The following PATJ variants were observed in gnomAD, a reference collection of about 807,000 sequenced individuals.
The protein encoded by PATJ is inaD-like protein.
In PATJ, 190 loss-of-function variants were observed where a neutral mutation model predicts 224.9. The ratio of observed to expected loss-of-function variants is 0.84; its 90% CI spans 0.75 to 0.95. The LOEUF is 0.95. PATJ is among the 40% of genes least tolerant of loss of function. PATJ has a pLI of 0.00. For missense variants in PATJ, 2,121 were observed against 2,270.3 expected (o/e 0.93, Z 1.34); for synonymous variants, 769 against 820.3 (o/e 0.94, Z 1.07).
At chr1:62,038,074 T>C (rs751718609) in intron 30 of PATJ, 25 bp downstream of exon 30, 17 of 1,394,528 alleles carry the variant, frequency 1.2e-5, no homozygotes, top group African/African-American at 2.8e-5. Context: ...AATTAGCTCT[T>C]AGTATATTAG....
chr1:62,064,909 G>A (rs374951208), intron 31 of PATJ, among the ~76,000 whole-genome samples: 239 of 152,306 alleles, frequency 1.6e-3, no homozygotes, highest in African/African-American at 5.6e-3. Flanking sequence ...AAATACATCT[G>A]TAGCAGGAGT....
chr1:61,857,830 A>G (rs938111287), intron 18 of PATJ, among the ~76,000 whole-genome samples: 1 of 152,206 alleles, frequency 6.6e-6, no homozygotes, highest in African/African-American at 2.4e-5. Flanking sequence ...TAATTTGATC[A>G]ATAGGTATAC....
chr1:61,749,586 T>G (rs12075300), intron 1 of PATJ, among the ~76,000 whole-genome samples: 2,355 of 152,222 alleles, frequency 0.015, 53 homozygotes, highest in African/African-American at 0.054. Context: ...GTGAAGAAAG[T>G]ATGTATTCCT....
chr1:62,078,520 A>G (rs1658712103), intron 31 of PATJ, among the ~76,000 whole-genome samples: 1 of 152,050 alleles, frequency 6.6e-6, no homozygotes, highest in African/African-American at 2.4e-5. Context: ...TCCTGATGTC[A>G]GGTGATCTGC....
intron 29 of PATJ, among the ~76,000 whole-genome samples, chr1:62,019,339 C>G (rs1646948814): frequency 1.3e-5 from 2 of 151,410 alleles, no homozygotes; most frequent in South Asian, 4.2e-4. Flanking sequence ...CTGGCCAAGC[C>G]AACATGGTGA....
At chr1:61,823,737 G>A (rs1657707641) in intron 15 of PATJ, among the ~76,000 whole-genome samples, 1 of 152,114 alleles carries the variant, frequency 6.6e-6, no homozygotes, top group Non-Finnish European at 1.5e-5. Context: ...TGATTTTAGA[G>A]ATTTTTTTTT....
At chr1:62,154,998 A>C (rs555916472) in intron 43 of PATJ, among the ~76,000 whole-genome samples, 22 of 152,320 alleles carry the variant, frequency 1.4e-4, no homozygotes, top group Admixed American at 1.2e-3. Flanking sequence ...TGGGTAGCAG[A>C]ATGCTTATCC....
At chr1:61,901,865 ACT>A (rs762499936) in intron 24 of PATJ, among the ~76,000 whole-genome samples, 1 of 151,862 alleles carries the variant, frequency 6.6e-6, no homozygotes, top group Non-Finnish European at 1.5e-5. Context: ...AAGGTTGAAG[ACT>A]CTATTGGGTG....
chr1:62,144,773 A>ATATATAT (rs1017771263), intron 41 of PATJ, among the ~76,000 whole-genome samples: 2 of 86,908 alleles, frequency 2.3e-5, no homozygotes, highest in Non-Finnish European at 4.8e-5. Context: ...TTGCAAAAAA[A>ATATATAT]AAAAATATAT....
intron 27 of PATJ, among the ~76,000 whole-genome samples, chr1:61,978,223 TCCTCCCTC>T (rs372437146): frequency 8.9e-5 from 9 of 101,212 alleles, no homozygotes; most frequent in Non-Finnish European, 1.6e-4. Flanking sequence ...CTTCCTTCCT[TCCTCCCTC>T]CCTCCCTCCC....
At chr1:61,745,358 C>G (rs948968998) in intron 1 of PATJ, among the ~76,000 whole-genome samples, 2 of 151,248 alleles carry the variant, frequency 1.3e-5, no homozygotes, top group African/African-American at 4.9e-5. Context: ...ACTGCAACCT[C>G]CACTTCCCGG....
intron 28 of PATJ, among the ~76,000 whole-genome samples, chr1:62,007,387 G>T (rs900337751): frequency 6.6e-6 from 1 of 152,214 alleles, no homozygotes; most frequent in African/African-American, 2.4e-5. Context: ...AGAATTGTAG[G>T]TCAAGAGCAT....
intron 27 of PATJ, among the ~76,000 whole-genome samples, chr1:61,969,694 A>G (rs1038445599): frequency 1.3e-5 from 2 of 152,066 alleles, no homozygotes; most frequent in Admixed American, 1.3e-4. Flanking sequence ...TTGATTGTGT[A>G]CTTTGTTTTG....
chr1:61,792,504 A>T (rs1650093819), intron 9 of PATJ, among the ~76,000 whole-genome samples: 1 of 152,006 alleles, frequency 6.6e-6, no homozygotes, highest in South Asian at 2.1e-4. Context: ...GTATCATTTT[A>T]CTATTTTACT....
At chr1:61,974,135 A>C (rs573882153) in intron 27 of PATJ, among the ~76,000 whole-genome samples, 68 of 152,070 alleles carry the variant, frequency 4.5e-4, no homozygotes, top group Admixed American at 1.6e-3. Context: ...ATGCTGGTTT[A>C]GGCATAGTGG....
At chr1:61,869,193 G>A (rs542258981) in intron 20 of PATJ, among the ~76,000 whole-genome samples, 33 of 137,384 alleles carry the variant, frequency 2.4e-4, no homozygotes, top group East Asian at 2.2e-3. Flanking sequence ...TGCAAGCTCC[G>A]CCTCCCGGGT....
chr1:61,747,514 C>T (rs1645084147), intron 1 of PATJ, among the ~76,000 whole-genome samples: 1 of 152,192 alleles, frequency 6.6e-6, no homozygotes, highest in South Asian at 2.1e-4. Context: ...AAAGAATGTT[C>T]AAGAATGTGT....
chr1:62,150,583 A>C (rs555202649), intron 42 of PATJ, among the ~76,000 whole-genome samples: 1 of 147,928 alleles, frequency 6.8e-6, no homozygotes, highest in African/African-American at 2.5e-5. Context: ...AGGCTGAGGC[A>C]GGAGGATCAC....
intron 29 of PATJ, among the ~76,000 whole-genome samples, chr1:62,024,641 C>G (rs1443578159): frequency 2.8e-5 from 4 of 142,882 alleles, no homozygotes; most frequent in African/African-American, 1.1e-4. Context: ...GGGTAGACCC[C>G]CACTTCCCAC....
Sources: gnomAD v4.1 joint callset for allele counts (sites outside exome capture counted in the v4.1 genomes callset) on GRCh38, gnomAD v4.1.1 for gene constraint, MANE v1.5 for transcripts, NCBI Gene and HGNC (gene_info 2026-07-23, HGNC 2026-07-21) for gene names.